Variants in DISP1 observed in about 807,000 individuals in gnomAD.
The protein encoded by DISP1 is dispatched RND transporter family member 1.
DISP1 carries 30 observed loss-of-function variants against 37.3 expected under a neutral mutation model. The observed-to-expected ratio is 0.80, with a 90% CI of 0.60 to 1.09. DISP1 has a LOEUF of 1.09. DISP1 is among the 50% of genes least tolerant of loss of function. The pLI is 0.00. For synonymous variants in DISP1, 634 were observed against 690.2 expected, an observed-to-expected ratio of 0.92 and a Z score of 1.28; for missense variants, 1,598 against 1,879.5, an observed-to-expected ratio of 0.85 and a Z score of 2.77.
chr1:222,879,067 A>G (rs1670131987), intron 1 of DISP1, among the ~76,000 whole-genome samples: 1 of 152,150 alleles, frequency 6.6e-6, no homozygotes, highest in Non-Finnish European at 1.5e-5. Flanking sequence ...AGTCTGTCCT[A>G]TAATACGTTA....
At chr1:222,896,216 G>C (rs1317716285) in intron 1 of DISP1, among the ~76,000 whole-genome samples, 5 of 152,160 alleles carry the variant, frequency 3.3e-5, no homozygotes, top group Non-Finnish European at 7.4e-5. Flanking sequence ...GCCGAAATGG[G>C]AGGATTTCTT....
intron 7 of DISP1, among the ~76,000 whole-genome samples, chr1:222,993,292 C>T (rs1678834618): frequency 6.6e-6 from 1 of 152,184 alleles, no homozygotes; most frequent in Admixed American, 6.6e-5. Context: ...AAGGAAGGCA[C>T]AGCCTAGAGG....
chr1:222,937,796 C>CT (rs10714424), intron 2 of DISP1, among the ~76,000 whole-genome samples: 2,604 of 56,426 alleles, frequency 0.046, 162 homozygotes, highest in African/African-American at 0.11. Context: ...AATAGCTTGC[C>CT]TTTTTTTTTT....
intron 1 of DISP1, among the ~76,000 whole-genome samples, chr1:222,899,625 C>CA (rs1283704612): frequency 2.6e-5 from 4 of 152,058 alleles, no homozygotes; most frequent in Non-Finnish European, 5.9e-5. Flanking sequence ...GTTGTCTAGG[C>CA]TGTAGTGCAG....
chr1:222,868,158 G>A (rs1669304789), intron 1 of DISP1, among the ~76,000 whole-genome samples: 1 of 152,022 alleles, frequency 6.6e-6, no homozygotes, highest in African/African-American at 2.4e-5. Context: ...TGAGGCAGGA[G>A]AATTGTTTGA....
intron 3 of DISP1, among the ~76,000 whole-genome samples, chr1:222,956,412 T>C (rs1675599795): frequency 6.6e-6 from 1 of 152,218 alleles, no homozygotes; most frequent in Non-Finnish European, 1.5e-5. Context: ...TGACTGTCTT[T>C]GTTTCCACTT....
At position 222,871,756 on chromosome 1, in the gene DISP1, T is replaced by C. The variant is rs537238493; in HGVS notation, c.-158-56674T>C. 5.8e-3 allele frequency among the ~76,000 whole-genome samples: 878 copies of C among 152,300 alleles called. 11 individuals carry two copies. The highest frequency in any genetic ancestry group is 0.021 in the African/African-American group (854 of 41,560). ...AAACAGGGACAATTTGACTTCCTCT[T>C]TTCCTAATTGAATGCCGTTTATTTC... On this transcript the variant is annotated intron_variant, in intron 1 of 8. Coordinates refer to ENST00000675850, the MANE Select transcript of DISP1 (RefSeq NM_001377229.1).
In DISP1 at chr1:223,003,186, G is replaced by C. The variant is rs1425543683; in HGVS notation, c.1789G>C (p.Val597Leu). The change falls in exon 9 of 9, where the codon GTA becomes CTA. Residue 597 changes from valine to leucine, a missense_variant. By Grantham distance (32) the Val-to-Leu change is conservative (BLOSUM62 1). Transcript: ENST00000675850. This position sits in a 1 kb window ranked among gnomAD's most constrained non-coding sequence, Gnocchi z 4.3. Reference sequence around the variant, plus strand: ...GCCTCATGCCGAAACCTCAGAAACAGTAAGCATCACCTTGCAGCACGCTGC... The same window carrying C: ...GCCTCATGCCGAAACCTCAGAAACACTAAGCATCACCTTGCAGCACGCTGC... ...DKPHAETSETVSITLQHAALS... is the reference protein window; with the variant it reads ...DKPHAETSETLSITLQHAALS... 5.6e-6 allele frequency: 9 copies of C among 1,614,112 alleles called. No homozygotes were observed. The highest frequency in any genetic ancestry group is 7.6e-6 in the Non-Finnish European group (9 of 1,180,046).
chr1:222,891,933 G>A (rs772447488), intron 1 of DISP1, among the ~76,000 whole-genome samples: 3 of 152,058 alleles, frequency 2.0e-5, no homozygotes, highest in Non-Finnish European at 2.9e-5. Context: ...AGTTTTAGAA[G>A]ATGGTAGAGA....
intron 1 of DISP1, among the ~76,000 whole-genome samples, chr1:222,921,794 A>G (rs1558330597): frequency 6.6e-6 from 1 of 152,220 alleles, no homozygotes; most frequent in Non-Finnish European, 1.5e-5. Context: ...ATGGTATAAT[A>G]TACTTTATAT....
chr1:222,925,264 G>C (rs986179280), intron 1 of DISP1, among the ~76,000 whole-genome samples: 2 of 152,008 alleles, frequency 1.3e-5, no homozygotes, highest in Non-Finnish European at 2.9e-5. Context: ...GAGAATACAG[G>C]TCTTTGGTTT....
intron 1 of DISP1, among the ~76,000 whole-genome samples, chr1:222,920,982 A>G (rs1262672688): frequency 6.6e-6 from 1 of 152,212 alleles, no homozygotes; most frequent in Non-Finnish European, 1.5e-5. Flanking sequence ...CTTATTTCTA[A>G]GACACTTTAT....
intron 1 of DISP1, among the ~76,000 whole-genome samples, chr1:222,887,085 G>A (rs142114849): frequency 4.1e-4 from 62 of 152,264 alleles, no homozygotes; most frequent in Admixed American, 1.5e-3. Flanking sequence ...AAAGGATTTC[G>A]AATGGGGGAA....
rs141163999 is a variant in DISP1 at position 222,946,730 on chromosome 1, G to C, written c.509+3398G>C. 3.1e-3 allele frequency among the ~76,000 whole-genome samples: 466 copies of C among 152,328 alleles called. 3 individuals carry two copies. The highest frequency in any genetic ancestry group is 0.011 in the African/African-American group (450 of 41,578). On this transcript the variant is annotated intron_variant, in intron 3 of 8. Transcript: ENST00000675850. ...TCAAGAAGGAATACACAGGGCTAAAGATGAAGAAAAGTTACAGATGGAGAG... is the reference window on the plus strand; with the variant it reads ...TCAAGAAGGAATACACAGGGCTAAACATGAAGAAAAGTTACAGATGGAGAG...
intron 7 of DISP1, among the ~76,000 whole-genome samples, chr1:222,994,100 G>T (rs927018409): frequency 1.3e-5 from 2 of 152,080 alleles, no homozygotes; most frequent in Non-Finnish European, 2.9e-5. Flanking sequence ...AAACAATATT[G>T]TTGGGCATCT....
In DISP1 at chr1:222,960,346, T is replaced by C. The variant is rs565241287; in HGVS notation, c.509+17014T>C. On this transcript the variant is annotated intron_variant, in intron 3 of 8. Transcript: ENST00000675850. ...TAAAAACCACACAATTACATGGAAA[T>C]CGAATAACCTGCTCCTGATTGACTC... 9.8e-4 allele frequency among the ~76,000 whole-genome samples: 149 copies of C among 152,200 alleles called. 1 individual carries two copies. In the South Asian group the frequency reaches 0.019, roughly 20 times the overall value.
intron 1 of DISP1, among the ~76,000 whole-genome samples, chr1:222,853,200 T>G (rs1183366434): frequency 6.6e-6 from 1 of 152,170 alleles, no homozygotes; most frequent in Admixed American, 6.5e-5. Context: ...AGGCTCACGT[T>G]GGAGGTGTCA....
Position 222,943,306 on chromosome 1 carries a change from T to C in DISP1, c.483T>C (p.Pro161=). Residue 161 remains proline, a synonymous_variant, in exon 3 of 9, where the codon CCT becomes CCC. Coordinates refer to ENST00000675850, the MANE Select transcript of DISP1 (RefSeq NM_001377229.1). ...HPWPDHFQHQ[P]VQQHIANIRP... is the part of the protein sequence containing the mutation. Reference sequence around the variant, plus strand: ...GGCCTGACCATTTTCAGCATCAGCCTGTGCAACAGCACATAGCCAACATAA... The same window carrying C: ...GGCCTGACCATTTTCAGCATCAGCCCGTGCAACAGCACATAGCCAACATAA... 1.2e-6 allele frequency: 2 copies of C among 1,614,276 alleles called. No individual in the cohort carries two copies. Among genetic ancestry groups the C allele is most frequent in the African/African-American group, 2.7e-5 (2 of 75,078 alleles).
At chr1:222,832,869 T>G (rs61839593) in intron 1 of DISP1, among the ~76,000 whole-genome samples, 14,420 of 151,540 alleles carry the variant, frequency 0.095, 808 homozygotes, top group African/African-American at 0.13. Context: ...GCACTCCAGC[T>G]TTTGTGACAG....
Sources: gnomAD v4.1 joint callset for allele counts (sites outside exome capture counted in the v4.1 genomes callset) on GRCh38, gnomAD v4.1.1 for gene constraint, Gnocchi (gnomAD v3.1) non-coding constraint, MANE v1.5 for transcripts, NCBI Gene and HGNC (gene_info 2026-07-23, HGNC 2026-07-21) for gene names.